The following FNTB variants were observed in gnomAD, a reference collection of about 807,000 sequenced individuals.
FNTB encodes farnesyltransferase, CAAX box, subunit beta, also known as protein farnesyltransferase subunit beta.
In FNTB, 27 loss-of-function variants were observed where a neutral mutation model predicts 59.4. That is an observed-to-expected ratio of 0.45 (90% CI 0.34 to 0.63). The LOEUF is 0.63. Ranked by LOEUF, FNTB falls within the 20% of genes least tolerant of loss-of-function variation. The pLI is 0.02. For missense variants in FNTB, 449 were observed against 559.6 expected (o/e 0.80, Z 1.99); for synonymous variants, 230 against 220.7 (o/e 1.04, Z -0.37).
Position 65,054,030 on chromosome 14 carries a change from T to C in FNTB, c.1068-545T>C, listed in dbSNP as rs1427947642. ...ACTTTAAAATTACAGTTTCCTTTAA[T>C]AGTTTAAGGTAAAAAAAGAAAGAAA... On this transcript the variant is annotated intron_variant, in intron 10 of 11. Coordinates refer to ENST00000246166, the MANE Select transcript of FNTB (RefSeq NM_002028.4). The surrounding 1 kb of genome is among the most constrained non-coding windows in gnomAD (Gnocchi z 4.4). Among the ~76,000 whole-genome samples the C allele has an allele frequency of 1.3e-5, 2 of 152,198 alleles. No homozygotes were observed. The highest frequency in any genetic ancestry group is 2.9e-5 in the Non-Finnish European group (2 of 68,030).
At chr14:65,045,037 T>C (rs947590888) in intron 9 of FNTB, among the ~76,000 whole-genome samples, 2 of 152,194 alleles carry the variant, frequency 1.3e-5, no homozygotes, top group African/African-American at 4.8e-5. Flanking sequence ...ACCTGCACCA[T>C]TGGAGTAGAG....
In FNTB at chr14:65,061,412, GCCTCA is replaced by G; in HGVS notation, c.*101_*105del. 1 of 1,511,456 alleles carries G rather than the reference GCCTCA, an allele frequency of 6.6e-7. No homozygotes were observed. Among genetic ancestry groups the G allele is most frequent in the Non-Finnish European group, 8.9e-7 (1 of 1,126,192 alleles). The allele number at this position is 1,511,456 out of a possible 1,614,324, so 93.6% of individuals were successfully genotyped here. On this transcript the variant is annotated 3_prime_UTR_variant, in exon 12 of 12. Transcript: ENST00000246166. Reference sequence around the variant, plus strand: ...TGCATTCTGTGCTACACAAGCCTTAGCCTCAGTGGAGCTGTGGTTCTCTTGGTACT... The same window carrying G: ...TGCATTCTGTGCTACACAAGCCTTAGGTGGAGCTGTGGTTCTCTTGGTACT...
chr14:64,993,378 T>C (rs1888276606), intron 1 of FNTB, among the ~76,000 whole-genome samples: 1 of 152,240 alleles, frequency 6.6e-6, no homozygotes, highest in Non-Finnish European at 1.5e-5. Flanking sequence ...GTTTAATTTA[T>C]CTTGTTTCAC....
Position 65,027,791 on chromosome 14 carries a change from G to T in FNTB, c.605+10G>T. The T allele has an allele frequency of 6.2e-7, 1 of 1,614,016 alleles. No individual in the cohort carries two copies. The highest frequency in any genetic ancestry group is 8.5e-7 in the Non-Finnish European group (1 of 1,180,000). ...GTGAGGTGGATGTGAGGTGAGTGGG[G>T]TTTTGCACAGGCTGCCACATCAGTT... On this transcript the variant is annotated intron_variant, in intron 6 of 11. Transcript: ENST00000246166. This position sits in a 1 kb window ranked among gnomAD's most constrained non-coding sequence, Gnocchi z 5.7.
intron 11 of FNTB, among the ~76,000 whole-genome samples, chr14:65,058,031 T>C (rs959388479): frequency 6.6e-6 from 1 of 152,234 alleles, no homozygotes; most frequent in East Asian, 1.9e-4. Context: ...TTCCTGTGAA[T>C]TGTAGGATCA....
In FNTB at chr14:64,987,061, G is replaced by C. The variant is rs1388683828; in HGVS notation, c.108G>C (p.Gln36His). The C allele has an allele frequency of 6.2e-7, 1 of 1,614,262 alleles. No individual in the cohort carries two copies. Among genetic ancestry groups the C allele is most frequent in the South Asian group, 1.1e-5 (1 of 91,092 alleles). Reference sequence around the variant, plus strand: ...CCGAGCACGCGCGAGAGCGGTTGCAGGACGACTCGGTGGAAACAGTCACGT... The same window carrying C: ...CCGAGCACGCGCGAGAGCGGTTGCACGACGACTCGGTGGAAACAGTCACGT... The part of the protein sequence containing the change: ...LRPEHARERL[Q>H]DDSVETVTSI... Residue 36 changes from glutamine (Q) to histidine (H), a missense_variant, in exon 1 of 12, where the codon CAG (glutamine) becomes CAC (histidine). Around this residue, in one of 2 missense-constraint regions of FNTB, gnomAD observed 112 missense variants for 80.5 expected, o/e 1.39. Transcript: ENST00000246166.
chr14:65,040,604 CTTTTTTTTTT>C (rs35890649), intron 7 of FNTB, among the ~76,000 whole-genome samples, 176 bp from the exon 8 acceptor site: 20 of 117,326 alleles, frequency 1.7e-4, no homozygotes, highest in Non-Finnish European at 3.1e-4. Context: ...CCAGGCCCAG[CTTTTTTTTTT>C]TTTTTTTTTT....
Position 65,001,025 on chromosome 14 carries a change from A to G in FNTB, c.145-3224A>G, listed in dbSNP as rs1888581157. Reference sequence around the variant, plus strand: ...GGGAGGAATGAAATGCCTTTAAACAACTGCCCCCGGACATGGGTGTTGGGA... The same window carrying G: ...GGGAGGAATGAAATGCCTTTAAACAGCTGCCCCCGGACATGGGTGTTGGGA... On this transcript the variant is annotated intron_variant, in intron 1 of 11. Coordinates refer to ENST00000246166, the MANE Select transcript of FNTB (RefSeq NM_002028.4). The surrounding 1 kb of genome is among the most constrained non-coding windows in gnomAD (Gnocchi z 5.5). Among the ~76,000 whole-genome samples, 1 of 152,094 alleles carries G rather than the reference A, an allele frequency of 6.6e-6. No individual in the cohort carries two copies. The highest frequency in any genetic ancestry group is 1.9e-4 in the East Asian group (1 of 5,198).
rs1248664159 is a variant in FNTB, at chr14:64,994,606, T to C, written c.144+7509T>C. Among the ~76,000 whole-genome samples, 1 of 152,118 alleles carries C rather than the reference T, an allele frequency of 6.6e-6. No homozygotes were observed. Among genetic ancestry groups the C allele is most frequent in the African/African-American group, 2.4e-5 (1 of 41,420 alleles). ...ATTTTTGTATCTAAACATATGTAAA[T>C]ATAGAAAAGGTAAAGTAAAAATATG... On this transcript the variant is annotated intron_variant, in intron 1 of 11. Coordinates refer to ENST00000246166, the MANE Select transcript of FNTB (RefSeq NM_002028.4). This position sits in a 1 kb window ranked among gnomAD's most constrained non-coding sequence, Gnocchi z 4.2.
chr14:65,060,161 C>T (rs2062829778), intron 11 of FNTB, among the ~76,000 whole-genome samples: 1 of 151,722 alleles, frequency 6.6e-6, no homozygotes, highest in Non-Finnish European at 1.5e-5. Context: ...AATGTAAATA[C>T]ATGTTTATTG....
chr14:65,014,894 C>A lies in FNTB; in HGVS notation c.283-731C>A, dbSNP rs934763706. ...AGTGCTTGGCACAAGTAGATACTATCAAATATTTGTTGAATCAGTGATTGA... is the reference window on the plus strand; with the variant it reads ...AGTGCTTGGCACAAGTAGATACTATAAAATATTTGTTGAATCAGTGATTGA... On this transcript the variant is annotated intron_variant, in intron 3 of 11. Transcript: ENST00000246166. This position sits in a 1 kb window ranked among gnomAD's most constrained non-coding sequence, Gnocchi z 5.1. 6.6e-6 allele frequency among the ~76,000 whole-genome samples: 1 copy of A among 152,092 alleles called. No homozygotes were observed. The highest frequency in any genetic ancestry group is 6.6e-5 in the Admixed American group (1 of 15,258).
chr14:65,015,767 G>C (rs368877720), intron 4 of FNTB, 51 bp downstream of exon 4: 2 of 1,586,554 alleles, frequency 1.3e-6, no homozygotes, highest in South Asian at 1.1e-5. Context: ...TGTATTTTGA[G>C]TTTGGGATTT....
In FNTB at chr14:65,012,690, C is replaced by T. The variant is rs551939614; in HGVS notation, c.282+301C>T. 6.6e-6 allele frequency among the ~76,000 whole-genome samples: 1 copy of T among 152,320 alleles called. No homozygotes were observed. Among genetic ancestry groups the T allele is most frequent in the Admixed American group, 6.5e-5 (1 of 15,298 alleles). On this transcript the variant is annotated intron_variant, in intron 3 of 11. Transcript: ENST00000246166. The surrounding 1 kb of genome is among the most constrained non-coding windows in gnomAD (Gnocchi z 5.0). ...GACCTCCTTGACAGCTGGCTAAATG[C>T]CAGTTACCTGTTCACCCTTAACCCT...
intron 4 of FNTB, among the ~76,000 whole-genome samples, chr14:65,024,724 T>C (rs1357523772): frequency 6.6e-6 from 1 of 152,224 alleles, no homozygotes; most frequent in Non-Finnish European, 1.5e-5. Flanking sequence ...TGTAATTTTT[T>C]ATTTATTGGT....
chr14:64,987,160 G>T (rs746397174), intron 1 of FNTB, 63 bp downstream of exon 1: 7 of 1,591,392 alleles, frequency 4.4e-6, no homozygotes, highest in Non-Finnish European at 6.0e-6. Flanking sequence ...AGTCCCGTTC[G>T]TAGGGCCGCC....
At chr14:65,058,346 G>A (rs1381088996) in intron 11 of FNTB, among the ~76,000 whole-genome samples, 1 of 150,038 alleles carries the variant, frequency 6.7e-6, no homozygotes, top group Non-Finnish European at 1.5e-5. Context: ...TTTTGTAACT[G>A]TTTGTTACTA....
chr14:65,056,055 T>C (rs1176320340), intron 11 of FNTB, among the ~76,000 whole-genome samples: 1 of 152,228 alleles, frequency 6.6e-6, no homozygotes, highest in Non-Finnish European at 1.5e-5. Flanking sequence ...CCTGTGGATG[T>C]TTTTGTGCTA....
intron 1 of FNTB, among the ~76,000 whole-genome samples, chr14:64,998,979 T>G (rs919380047): frequency 4.6e-5 from 7 of 152,242 alleles, no homozygotes; most frequent in Admixed American, 6.5e-5. Context: ...GGAATATTAT[T>G]TGGTGAAATA....
intron 4 of FNTB, among the ~76,000 whole-genome samples, chr14:65,020,670 G>A (rs1224025345): frequency 5.3e-5 from 8 of 151,522 alleles, no homozygotes; most frequent in Non-Finnish European, 8.8e-5. Flanking sequence ...CTGACCTCAG[G>A]TGATCCACCT....
Sources: allele counts gnomAD v4.1 joint callset (sites outside exome capture counted in the v4.1 genomes callset), GRCh38; gene constraint gnomAD v4.1.1; regional missense constraint gnomAD v4.1.1; non-coding constraint Gnocchi (gnomAD v3.1); transcripts MANE v1.5; gene names NCBI Gene and HGNC (gene_info 2026-07-23, HGNC 2026-07-21).